Variants in IFT88 observed in about 807,000 individuals in gnomAD.
IFT88 encodes the protein intraflagellar transport protein 88 homolog.
In IFT88, 74 loss-of-function variants were observed where a neutral mutation model predicts 119.5. That is an observed-to-expected ratio of 0.62 (90% CI 0.51 to 0.75). The LOEUF (loss-of-function observed/expected upper bound fraction) is 0.75, where lower values mean the gene tolerates loss of function less well. IFT88 is among the 30% of genes least tolerant of loss of function. IFT88 has a pLI of 0.00. For synonymous variants in IFT88, 279 were observed against 316.7 expected (o/e 0.88, Z 1.26); for missense variants, 961 against 977.7 (o/e 0.98, Z 0.23).
chr13:20,633,956 A>T (rs1009657617), intron 16 of IFT88, among the ~76,000 whole-genome samples: 1 of 152,086 alleles, frequency 6.6e-6, no homozygotes, highest in African/African-American at 2.4e-5. Context: ...TGCTTCTTTT[A>T]CTGGGCTTGC....
intron 22 of IFT88, among the ~76,000 whole-genome samples, chr13:20,660,828 C>A (rs73433360): frequency 0.026 from 3,948 of 152,154 alleles, 168 homozygotes; most frequent in African/African-American, 0.089. Context: ...TTTGAGCTAC[C>A]TTTTCGATGT....
chr13:20,662,932 T>C (rs2054054150), intron 22 of IFT88, among the ~76,000 whole-genome samples: 1 of 152,254 alleles, frequency 6.6e-6, no homozygotes, highest in Admixed American at 6.5e-5. Context: ...GTTGTTGTTA[T>C]TGTATACAAG....
intron 17 of IFT88, among the ~76,000 whole-genome samples, 155 bp downstream of exon 17, chr13:20,638,673 T>C (rs926706537): frequency 2.0e-5 from 3 of 152,232 alleles, no homozygotes; most frequent in Non-Finnish European, 4.4e-5. Flanking sequence ...GATTATAGAT[T>C]ATTTTAAATG....
chr13:20,584,828 G>A (rs2039361897), intron 3 of IFT88, among the ~76,000 whole-genome samples: 1 of 152,130 alleles, frequency 6.6e-6, no homozygotes, highest in Non-Finnish European at 1.5e-5. Context: ...TCAGCGGGGG[G>A]CACTTGTGCC....
intron 23 of IFT88, among the ~76,000 whole-genome samples, chr13:20,667,188 C>T (rs1039631734): frequency 6.6e-6 from 1 of 152,156 alleles, no homozygotes; most frequent in Non-Finnish European, 1.5e-5. Flanking sequence ...CACATCCACT[C>T]CAAAGTGATA....
Position 20,691,366 on chromosome 13 carries a change from A to G in IFT88, c.*191A>G. ...AGGAATAAAAACAGGTAAAACTAAT[A>G]CTTTAGGCCAGTGACTTCCTTAGCT... On this transcript the variant is annotated 3_prime_UTR_variant, in exon 26 of 26. Transcript: ENST00000351808. 8.7e-6 allele frequency: 4 copies of G among 461,836 alleles called. No homozygotes were observed. In the East Asian group the frequency reaches 1.1e-4, roughly 13 times the overall value. 28.6% of individuals were successfully genotyped at this position (461,836 alleles called of 1,614,324 possible).
intron 24 of IFT88, among the ~76,000 whole-genome samples, chr13:20,673,890 A>G (rs889202672): frequency 3.3e-5 from 5 of 152,200 alleles, no homozygotes; most frequent in African/African-American, 1.2e-4. Flanking sequence ...GCATTTTACA[A>G]GCAGGGTTGC....
intron 13 of IFT88, chr13:20,607,472 G>A: frequency 7.4e-6 from 5 of 677,184 alleles, no homozygotes; most frequent in South Asian, 3.1e-5. Flanking sequence ...CATCAGCGGC[G>A]TCCTGATGGC....
At chr13:20,592,872 G>C (rs562452321) in intron 7 of IFT88, among the ~76,000 whole-genome samples, 31 of 150,828 alleles carry the variant, frequency 2.1e-4, no homozygotes, top group African/African-American at 7.4e-4. Flanking sequence ...TGTCAGCAGA[G>C]TAGTAAACAA....
At chr13:20,657,172 G>A (rs978718525) in intron 22 of IFT88, among the ~76,000 whole-genome samples, 10 of 152,144 alleles carry the variant, frequency 6.6e-5, no homozygotes, top group African/African-American at 2.4e-4. Context: ...AATTTTTAAT[G>A]TTACTTCAAT....
chr13:20,594,566 A>C (rs2041310971), intron 7 of IFT88, among the ~76,000 whole-genome samples: 1 of 152,178 alleles, frequency 6.6e-6, no homozygotes, highest in Admixed American at 6.5e-5. Context: ...GGGACAGGGT[A>C]AGTTACTTTC....
At chr13:20,631,161 G>T (rs757245431) in intron 16 of IFT88, 59 bp downstream of exon 16, 153 of 1,101,388 alleles carry the variant, frequency 1.4e-4, no homozygotes, top group Non-Finnish European at 1.9e-4. Flanking sequence ...CTAAATTTCT[G>T]CCCAAGGATC....
intron 24 of IFT88, among the ~76,000 whole-genome samples, chr13:20,688,257 G>C (rs996593434): frequency 3.9e-5 from 6 of 152,200 alleles, no homozygotes; most frequent in Non-Finnish European, 5.9e-5. Flanking sequence ...TGAGGCAGAA[G>C]AATCGATTGA....
intron 20 of IFT88, among the ~76,000 whole-genome samples, chr13:20,647,262 T>G (rs2050898167): frequency 6.6e-6 from 1 of 152,244 alleles, no homozygotes; most frequent in South Asian, 2.1e-4. Context: ...GAGCATTTGT[T>G]TTCTATACCA....
intron 9 of IFT88, among the ~76,000 whole-genome samples, chr13:20,597,612 C>CGGT: frequency 6.6e-6 from 1 of 151,832 alleles, no homozygotes; most frequent in Non-Finnish European, 1.5e-5. Context: ...GGTGTGGTGG[C>CGGT]GGGCGCCTGT....
intron 1 of IFT88, among the ~76,000 whole-genome samples, 178 bp downstream of exon 1, chr13:20,567,434 C>T (rs1200471225): frequency 6.6e-6 from 1 of 152,232 alleles, no homozygotes; most frequent in Non-Finnish European, 1.5e-5. Context: ...TGCTTTTCTT[C>T]CTCAGGCTCC....
At position 20,567,274 on chromosome 13, in the gene IFT88, G is replaced by A. The variant is rs2137615428; in HGVS notation, c.-7+18G>A. On this transcript the variant is annotated intron_variant, in intron 1 of 25. Transcript: ENST00000351808. ...AGCGTGAGGTAGGAGAAGGGCGCTG[G>A]GGCCTAGTGCCTCAGGGCCCCTGGC... 6.6e-6 allele frequency: 1 copy of A among 152,380 alleles called. No homozygotes were observed. The highest frequency in any genetic ancestry group is 2.4e-5 in the African/African-American group (1 of 41,588). 9.4% of individuals were successfully genotyped at this position (152,380 alleles called of 1,614,324 possible).
intron 13 of IFT88, chr13:20,607,419 T>A: frequency 1.5e-6 from 1 of 646,954 alleles, no homozygotes; most frequent in Non-Finnish European, 3.0e-6. Flanking sequence ...CAGATCATTA[T>A]AAAGAAGCAG....
intron 20 of IFT88, 130 bp downstream of exon 20, chr13:20,645,088 G>T: frequency 3.9e-6 from 2 of 515,768 alleles, no homozygotes; most frequent in Non-Finnish European, 6.9e-6. Flanking sequence ...AATTATTTTT[G>T]TTTGTTTGTT....
Sources: gnomAD v4.1 joint callset for allele counts (sites outside exome capture counted in the v4.1 genomes callset) on GRCh38, gnomAD v4.1.1 for gene constraint, MANE v1.5 for transcripts, NCBI Gene and HGNC (gene_info 2026-07-23, HGNC 2026-07-21) for gene names.